The following TASOR2 variants were observed in gnomAD, a reference collection of about 807,000 sequenced individuals.
The protein encoded by TASOR2 is transcription activation suppressor family member 2.
TASOR2 carries 84 observed loss-of-function variants against 199.5 expected under a neutral mutation model. That is an observed-to-expected ratio of 0.42 (90% CI 0.35 to 0.50). The LOEUF (loss-of-function observed/expected upper bound fraction) is 0.50. Among genes scored for constraint, TASOR2 ranks in the 20% least tolerant of loss-of-function variants. The pLI, the probability that TASOR2 is intolerant of heterozygous loss-of-function variation, is 0.02. For missense variants in TASOR2, 2,796 were observed against 2,835.9 expected (o/e 0.99, Z 0.32); for synonymous variants, 1,103 against 1,046.6 (o/e 1.05, Z -1.04).
At chr10:5,731,095 T>C (rs1327382409) in exon 11 of TASOR2, 12 of 1,613,722 alleles carry the variant, frequency 7.4e-6, no homozygotes, top group Non-Finnish European at 1.0e-5. Context: ...AAAGGTGAAC[T>C]TGTGCCGCCC....
intron 1 of TASOR2, chr10:5,709,506 A>AT (rs1039509448): frequency 1.3e-5 from 16 of 1,222,402 alleles, no homozygotes; most frequent in African/African-American, 7.8e-5. Flanking sequence ...TCACTTTATG[A>AT]TTTTTTTTCT....
chr10:5,752,102 C>G lies in TASOR2; in HGVS notation c.6606+2075C>G, dbSNP rs1225518736. Among the ~76,000 whole-genome samples the G allele has an allele frequency of 6.6e-6, 1 of 152,196 alleles. No individual in the cohort carries two copies. The highest frequency in any genetic ancestry group is 1.5e-5 in the Non-Finnish European group (1 of 68,032). On this transcript the variant is annotated intron_variant, in intron 15 of 20. Coordinates refer to ENST00000328090, the Ensembl canonical transcript of TASOR2. This position sits in a 1 kb window ranked among gnomAD's most constrained non-coding sequence, Gnocchi z 4.4. Reference sequence around the variant, plus strand: ...TGAGCGCGGGCCAGCTGCCCTCCCCCTACCCTTGCAGCAGAAAGCTCCATT... The same window carrying G: ...TGAGCGCGGGCCAGCTGCCCTCCCCGTACCCTTGCAGCAGAAAGCTCCATT...
At chr10:5,703,549 G>C (rs1184662740) in intron 1 of TASOR2, among the ~76,000 whole-genome samples, 1 of 134,226 alleles carries the variant, frequency 7.5e-6, no homozygotes, top group Non-Finnish European at 1.5e-5. Flanking sequence ...TGTCACCCAG[G>C]CTGGAGTGCA....
At chr10:5,729,858 C>CA (rs966538445) in intron 10 of TASOR2, among the ~76,000 whole-genome samples, 8 of 143,840 alleles carry the variant, frequency 5.6e-5, no homozygotes, top group African/African-American at 1.0e-4. Flanking sequence ...TATTCATTTT[C>CA]AAAAAAAAGG....
exon 11 of TASOR2, chr10:5,731,174 A>T (rs762709834): frequency 6.2e-7 from 1 of 1,606,174 alleles, no homozygotes; most frequent in Non-Finnish European, 8.5e-7. Flanking sequence ...AAGTTAGTTA[A>T]AGGACAGTTT....
At chr10:5,686,817 G>A (rs887045063) in intron 1 of TASOR2, among the ~76,000 whole-genome samples, 7 of 152,084 alleles carry the variant, frequency 4.6e-5, no homozygotes, top group African/African-American at 1.7e-4. Context: ...TTGAGTCTGA[G>A]CTCTCTTTTC....
At chr10:5,728,234 A>C (rs1473657367) in intron 10 of TASOR2, among the ~76,000 whole-genome samples, 1 of 152,124 alleles carries the variant, frequency 6.6e-6, no homozygotes, top group Non-Finnish European at 1.5e-5. Context: ...AAAAAAAAAA[A>C]AAAAGTCACT....
At chr10:5,732,952 A>C (rs4748572) in intron 11 of TASOR2, among the ~76,000 whole-genome samples, 26,176 of 152,156 alleles carry the variant, frequency 0.17, 2,542 homozygotes, top group Admixed American at 0.23. Flanking sequence ...AGTATAAAGC[A>C]GTGCACCAGA....
At chr10:5,718,182 G>A (rs1832883506) in intron 3 of TASOR2, among the ~76,000 whole-genome samples, 1 of 152,118 alleles carries the variant, frequency 6.6e-6, no homozygotes, top group Non-Finnish European at 1.5e-5. Flanking sequence ...ACCTAGAACT[G>A]ATGATGCCAC....
intron 1 of TASOR2, among the ~76,000 whole-genome samples, chr10:5,694,004 G>A (rs763052669): frequency 7.2e-5 from 11 of 152,070 alleles, no homozygotes; most frequent in Non-Finnish European, 1.3e-4. Context: ...AACACTTGCA[G>A]CAGGGTAATC....
exon 15 of TASOR2, chr10:5,749,573 A>G: frequency 3.7e-6 from 6 of 1,614,128 alleles, no homozygotes; most frequent in Non-Finnish European, 5.1e-6. Context: ...CCCAGACCAC[A>G]GGGGCAGCCC....
chr10:5,757,531 G>A (rs747481789), exon 17 of TASOR2: 2 of 1,601,780 alleles, frequency 1.2e-6, no homozygotes, highest in Non-Finnish European at 1.7e-6. Flanking sequence ...TTCCTTCTTT[G>A]CTGAAGCTGA....
chr10:5,762,503 CAA>C lies in TASOR2; in HGVS notation c.7175-26_7175-25del, dbSNP rs748607166. 6 of 518,610 alleles carry C rather than the reference CAA, an allele frequency of 1.2e-5. No homozygotes were observed. The East Asian group carries it at 1.7e-4, about 14-fold the overall frequency. 32.1% of individuals were successfully genotyped at this position (518,610 alleles called of 1,614,324 possible). A position where few individuals can be genotyped will look rare whatever the true frequency, so the allele number is the denominator to read the frequency against. Reference sequence around the variant, plus strand: ...ATAAAAGTACATTAATTATATTAACCAAAAGTTGTTTTTTTTTTTTTTTAACA... The same window carrying C: ...ATAAAAGTACATTAATTATATTAACCAAGTTGTTTTTTTTTTTTTTTAACA... On this transcript the variant is annotated intron_variant, in intron 19 of 20. Coordinates refer to ENST00000328090, the Ensembl canonical transcript of TASOR2.
intron 2 of TASOR2, 74 bp downstream of exon 2, chr10:5,712,992 G>C (rs1344621150): frequency 1.4e-6 from 1 of 729,284 alleles, no homozygotes; most frequent in Non-Finnish European, 1.9e-6. Flanking sequence ...TTCTGTAAGA[G>C]TTGTAAGATT....
chr10:5,694,615 G>A (rs770212698), intron 1 of TASOR2, among the ~76,000 whole-genome samples: 1 of 152,132 alleles, frequency 6.6e-6, no homozygotes, highest in Non-Finnish European at 1.5e-5. Flanking sequence ...AATAATTTAT[G>A]GTAGGACATT....
intron 18 of TASOR2, among the ~76,000 whole-genome samples, chr10:5,760,168 G>A (rs1839591295): frequency 6.6e-6 from 1 of 152,190 alleles, no homozygotes; most frequent in Non-Finnish European, 1.5e-5. Context: ...ACATGTGACT[G>A]TACTGAATAC....
intron 1 of TASOR2, 199 bp from the exon 2 acceptor site, chr10:5,712,623 AC>A (rs1346678305): frequency 8.8e-7 from 1 of 1,135,442 alleles, no homozygotes; most frequent in Non-Finnish European, 1.1e-6. Flanking sequence ...TAAGCCTAGC[AC>A]TTTTTAGCTA....
chr10:5,692,293 G>A (rs1333687947), intron 1 of TASOR2, among the ~76,000 whole-genome samples: 3 of 152,196 alleles, frequency 2.0e-5, no homozygotes, highest in Non-Finnish European at 4.4e-5. Context: ...GGGACGAAGA[G>A]TTATAATAAC....
intron 14 of TASOR2, among the ~76,000 whole-genome samples, chr10:5,744,717 CGCCTCCCGGGTTCAAGTGACTCTGCCTCA>C (rs1836934787): frequency 6.6e-6 from 1 of 152,026 alleles, no homozygotes; most frequent in South Asian, 2.1e-4. Context: ...CTGCAGCCTC[CGCCTCCCGGGTTCAAGTGACTCTGCCTCA>C]GCCTCCCGAG....
Sources: gnomAD v4.1 joint callset for allele counts (sites outside exome capture counted in the v4.1 genomes callset) on GRCh38, gnomAD v4.1.1 for gene constraint, Gnocchi (gnomAD v3.1) non-coding constraint, MANE v1.5 for transcripts, NCBI Gene and HGNC (gene_info 2026-07-23, HGNC 2026-07-21) for gene names.